The following DACH1 variants were observed in gnomAD, a reference collection of about 807,000 sequenced individuals.
The protein encoded by DACH1 is dachshund family transcription factor 1.
Under a neutral mutation model 54.2 loss-of-function variants are expected in DACH1, and 12 were observed. That is an observed-to-expected ratio of 0.22 (90% confidence interval 0.14 to 0.36). DACH1 has a LOEUF of 0.36. Among genes scored for constraint, DACH1 ranks in the 10% least tolerant of loss-of-function variants. The pLI, the probability that DACH1 is intolerant of heterozygous loss-of-function variation, is 1.00. For missense variants in DACH1, 805 were observed against 929.8 expected (o/e 0.87, Z 1.75); for synonymous variants, 386 against 366.2 (o/e 1.05, Z -0.62).
intron 1 of DACH1, among the ~76,000 whole-genome samples, chr13:71,748,892 T>TCTCTCTCTCTCTCTCTCTC (rs1566476816): frequency 9.6e-6 from 1 of 104,408 alleles, no homozygotes; most frequent in African/African-American, 6.4e-5. Flanking sequence ...CTTTCTTTCT[T>TCTCTCTCTCTCTCTCTCTC]TCTTTCTCTT....
intron 1 of DACH1, among the ~76,000 whole-genome samples, chr13:71,842,280 T>C (rs971967569): frequency 6.6e-6 from 1 of 152,144 alleles, no homozygotes; most frequent in Admixed American, 6.6e-5. Flanking sequence ...AAACGCTTTA[T>C]AGTGCAAATT....
At chr13:71,816,578 A>G (rs1207764873) in intron 1 of DACH1, among the ~76,000 whole-genome samples, 1 of 137,002 alleles carries the variant, frequency 7.3e-6, no homozygotes, top group Non-Finnish European at 1.6e-5. Flanking sequence ...GTATATATAT[A>G]CACGTATATA....
At chr13:71,831,272 A>T (rs1393883193) in intron 1 of DACH1, among the ~76,000 whole-genome samples, 1 of 151,784 alleles carries the variant, frequency 6.6e-6, no homozygotes, top group Admixed American at 6.6e-5. Context: ...CGAATATGGA[A>T]TTGTTAGTTT....
chr13:71,516,111 T>G (rs1043944567), intron 6 of DACH1, among the ~76,000 whole-genome samples: 5 of 151,868 alleles, frequency 3.3e-5, no homozygotes, highest in Non-Finnish European at 5.9e-5. Flanking sequence ...TCCATTCCAT[T>G]CCAGTGGACC....
chr13:71,735,571 T>C lies in DACH1; in HGVS notation c.849-53661A>G, dbSNP rs1326031973. On this transcript the variant is annotated intron_variant, in intron 1 of 10. Coordinates refer to ENST00000613252, the MANE Select transcript of DACH1 (RefSeq NM_080759.6). ...CGTGTATATGGGATATACGTGTATA[T>C]GGGATATACGTGTATATGGGATATA... Among the ~76,000 whole-genome samples the C allele has an allele frequency of 5.3e-5, 8 of 151,020 alleles. No homozygotes were observed. In the East Asian group the frequency reaches 9.9e-4, roughly 19 times the overall value.
In DACH1 at chr13:71,840,185, TG is replaced by T. The variant is rs573223286; in HGVS notation, c.848+25736del. Among the ~76,000 whole-genome samples the T allele has an allele frequency of 5.1e-3, 779 of 152,280 alleles. 4 individuals carry two copies. The highest frequency in any genetic ancestry group is 0.017 in the African/African-American group (727 of 41,564). On this transcript the variant is annotated intron_variant, in intron 1 of 10. Coordinates refer to ENST00000613252, the MANE Select transcript of DACH1 (RefSeq NM_080759.6). ...CTGGTCTCAAACTCCTGGCCTCAAG[TG>T]ATCTGTCCACCTCAGCCTCCCAAAG...
rs550953648 is a variant in DACH1 at position 71,703,241 on chromosome 13, C to T, written c.849-21331G>A. 2.0e-5 allele frequency among the ~76,000 whole-genome samples: 3 copies of T among 152,274 alleles called. No homozygotes were observed. In the East Asian group the frequency reaches 5.8e-4, roughly 29 times the overall value. Reference sequence around the variant, plus strand: ...TCACATAGGCAGAATGAGAATAACACTTTCTTCATTATAGAAGGTTTTCCT... The same window carrying T: ...TCACATAGGCAGAATGAGAATAACATTTTCTTCATTATAGAAGGTTTTCCT... On this transcript the variant is annotated intron_variant, in intron 1 of 10. Transcript: ENST00000613252.
chr13:71,449,187 G>T (rs542859200), intron 10 of DACH1, among the ~76,000 whole-genome samples: 3 of 152,010 alleles, frequency 2.0e-5, no homozygotes, highest in Non-Finnish European at 4.4e-5. Flanking sequence ...TTAGCGGGGC[G>T]TGGTGGCACA....
intron 1 of DACH1, among the ~76,000 whole-genome samples, chr13:71,801,309 C>T (rs1342590133): frequency 5.9e-5 from 9 of 152,068 alleles, no homozygotes; most frequent in African/African-American, 1.9e-4. Flanking sequence ...AGTTTAGTAC[C>T]TACTAAGCCA....
intron 1 of DACH1, among the ~76,000 whole-genome samples, chr13:71,801,707 T>C (rs1013548972): frequency 2.0e-5 from 3 of 152,126 alleles, no homozygotes; most frequent in Non-Finnish European, 4.4e-5. Flanking sequence ...ATATGCAAAG[T>C]CTGAATTGTT....
intron 2 of DACH1, among the ~76,000 whole-genome samples, chr13:71,653,849 A>G (rs1465420975): frequency 6.6e-6 from 1 of 152,200 alleles, no homozygotes; most frequent in Non-Finnish European, 1.5e-5. Flanking sequence ...CACTGTAACT[A>G]TACTTAGCAA....
chr13:71,630,448 A>C (rs1877007338), intron 3 of DACH1, 108 bp downstream of exon 3: 8 of 1,435,378 alleles, frequency 5.6e-6, no homozygotes, highest in Non-Finnish European at 7.3e-6. Context: ...TTCAAGCTAA[A>C]AGTGCCAACT....
intron 1 of DACH1, among the ~76,000 whole-genome samples, chr13:71,735,351 TGGGATATA>T (rs1884013152): frequency 3.2e-5 from 1 of 30,898 alleles, no homozygotes; most frequent in African/African-American, 8.4e-5. Flanking sequence ...TACGTGTATA[TGGGATATA>T]CACGTATACG....
intron 1 of DACH1, among the ~76,000 whole-genome samples, chr13:71,790,382 G>A (rs1431277182): frequency 6.6e-6 from 1 of 152,014 alleles, no homozygotes; most frequent in African/African-American, 2.4e-5. Flanking sequence ...GTCTCCTTAG[G>A]GTCAAGAATT....
At chr13:71,661,957 C>T (rs991990617) in intron 2 of DACH1, among the ~76,000 whole-genome samples, 1 of 151,994 alleles carries the variant, frequency 6.6e-6, no homozygotes, top group African/African-American at 2.4e-5. Context: ...TACTCAGAGC[C>T]CCCATTCTTC....
intron 1 of DACH1, among the ~76,000 whole-genome samples, chr13:71,778,555 A>G (rs939569262): frequency 1.1e-4 from 16 of 152,040 alleles, no homozygotes; most frequent in South Asian, 4.1e-4. Flanking sequence ...ATCTAGTAAA[A>G]AAATCTTAAT....
chr13:71,704,404 A>T (rs1330871615), intron 1 of DACH1: 1 of 409,180 alleles, frequency 2.4e-6, no homozygotes, highest in Non-Finnish European at 4.7e-6. Flanking sequence ...ACATTGTTTT[A>T]AACAAGTTAA....
chr13:71,478,229 T>C (rs1001393334), intron 8 of DACH1, among the ~76,000 whole-genome samples: 1 of 152,202 alleles, frequency 6.6e-6, no homozygotes, highest in South Asian at 2.1e-4. Context: ...CCTGAATCTA[T>C]GTGAAGCCAC....
In DACH1 at chr13:71,735,368, CGGGATATACGTGTATAT is replaced by C. The variant is rs1280799937; in HGVS notation, c.849-53475_849-53459del. ...CGTGTATATGGGATATACACGTATACGGGATATACGTGTATATGGGATATACACGTATACGGGATATA... is the reference window on the plus strand; with the variant it reads ...CGTGTATATGGGATATACACGTATACGGGATATACACGTATACGGGATATA... On this transcript the variant is annotated intron_variant, in intron 1 of 10. Transcript: ENST00000613252. 1.4e-3 allele frequency among the ~76,000 whole-genome samples: 25 copies of C among 17,546 alleles called. 5 individuals are homozygous for C. Among genetic ancestry groups the C allele is most frequent in the African/African-American group, 3.4e-3 (25 of 7,276 alleles). The allele number at this position is 17,546 out of a possible 152,430, so 11.5% of individuals were successfully genotyped here. A position where few individuals can be genotyped will look rare whatever the true frequency, so the allele number is the denominator to read the frequency against.
Sources: gnomAD v4.1 joint callset for allele counts (sites outside exome capture counted in the v4.1 genomes callset) on GRCh38, gnomAD v4.1.1 for gene constraint, MANE v1.5 for transcripts, NCBI Gene and HGNC (gene_info 2026-07-23, HGNC 2026-07-21) for gene names.